The following SLC44A5 variants were observed in gnomAD, a reference collection of about 807,000 sequenced individuals.
The protein encoded by SLC44A5 is solute carrier family 44 member 5, also known as choline transporter-like protein 5.
SLC44A5 carries 57 observed loss-of-function variants against 101.8 expected under a neutral mutation model. The ratio of observed to expected loss-of-function variants is 0.56; its 90% CI spans 0.45 to 0.70. The LOEUF is 0.70. SLC44A5 is among the 30% of genes least tolerant of loss of function. The probability of loss-of-function intolerance (pLI) is 0.00; values close to 1 mark genes in which losing one functional copy is unlikely to be tolerated. For synonymous variants in SLC44A5, 281 were observed against 290.9 expected, an observed-to-expected ratio of 0.97 and a Z score of 0.35; for missense variants, 737 against 853.1, an observed-to-expected ratio of 0.86 and a Z score of 1.70.
At chr1:75,597,331 C>T (rs962678985) in intron 1 of SLC44A5, among the ~76,000 whole-genome samples, 4 of 152,130 alleles carry the variant, frequency 2.6e-5, no homozygotes, top group African/African-American at 9.6e-5. Flanking sequence ...TATCCCATGC[C>T]CATGGACAGA....
At chr1:75,484,092 C>A (rs1375126509) in intron 2 of SLC44A5, among the ~76,000 whole-genome samples, 2 of 152,148 alleles carry the variant, frequency 1.3e-5, no homozygotes, top group African/African-American at 4.8e-5. Context: ...CAAGCCATAT[C>A]ATTCTGTCCC....
At chr1:75,718,575 A>T in the SLC44A5 span, among the ~76,000 whole-genome samples, 2 of 152,348 alleles carry the variant, frequency 1.3e-5, no homozygotes, top group Non-Finnish European at 2.9e-5. Context: ...AGCAGTGCCC[A>T]GAAGAGTACA....
In SLC44A5 at chr1:75,336,530, G is replaced by A. The variant is rs1486311670; in HGVS notation, c.101+3052C>T. Among the ~76,000 whole-genome samples, 12 of 152,264 alleles carry A rather than the reference G, an allele frequency of 7.9e-5. No individual in the cohort carries two copies. The East Asian group carries it at 2.3e-3, about 29-fold the overall frequency. On this transcript the variant is annotated intron_variant, in intron 4 of 23. Coordinates refer to ENST00000370859, the MANE Select transcript of SLC44A5 (RefSeq NM_001130058.2). ...AAAATTGCATCCTTTTTTCAGGATA[G>A]TTTACGTATTTAAAACAAAAGGAAA...
chr1:75,256,871 A>G (rs1244698268), intron 6 of SLC44A5, among the ~76,000 whole-genome samples: 1 of 152,172 alleles, frequency 6.6e-6, no homozygotes, highest in African/African-American at 2.4e-5. Flanking sequence ...TAACTACCAA[A>G]CATGGGTGAA....
At chr1:75,706,511 T>C in the SLC44A5 span, among the ~76,000 whole-genome samples, 1 of 152,220 alleles carries the variant, frequency 6.6e-6, no homozygotes, top group Non-Finnish European at 1.5e-5. Flanking sequence ...TACTGATTTC[T>C]GAGAGTATTA....
At chr1:75,342,826 G>A (rs1171025218) in intron 3 of SLC44A5, among the ~76,000 whole-genome samples, 1 of 152,136 alleles carries the variant, frequency 6.6e-6, no homozygotes, top group Admixed American at 6.6e-5. Flanking sequence ...GACATTTTCT[G>A]ATTGTAAATA....
chr1:75,407,159 G>T (rs1370318730), intron 2 of SLC44A5, among the ~76,000 whole-genome samples: 3 of 152,114 alleles, frequency 2.0e-5, no homozygotes, highest in Non-Finnish European at 4.4e-5. Flanking sequence ...CAAAGGATGT[G>T]AAGGACCTCT....
At chr1:75,511,101 C>A (rs1250429735) in intron 2 of SLC44A5, among the ~76,000 whole-genome samples, 1 of 152,038 alleles carries the variant, frequency 6.6e-6, no homozygotes, top group Non-Finnish European at 1.5e-5. Flanking sequence ...TGAGATCGCG[C>A]AACTGCACTC....
In SLC44A5 at chr1:75,537,034, A is replaced by AAAAAAAAAAAAAAAAG. The variant is rs1553199990; in HGVS notation, c.13+4400_13+4401insCTTTTTTTTTTTTTTT. Reference sequence around the variant, plus strand: ...AAAAAAAAAAAAAAAAAAAAAAAAAATATATATCTATGCCAAATGATTCTG... The same window carrying AAAAAAAAAAAAAAAAG: ...AAAAAAAAAAAAAAAAAAAAAAAAAAAAAAAAAAAAAAAAAGTATATATCTATGCCAAATGATTCTG... On this transcript the variant is annotated intron_variant, in intron 2 of 23. Coordinates refer to ENST00000370859, the MANE Select transcript of SLC44A5 (RefSeq NM_001130058.2). Among the ~76,000 whole-genome samples the AAAAAAAAAAAAAAAAG allele has an allele frequency of 2.0e-3, 37 of 18,644 alleles. 3 individuals are homozygous for AAAAAAAAAAAAAAAAG. The highest frequency in any genetic ancestry group is 5.4e-3 in the Admixed American group (6 of 1,102). The allele number at this position is 18,644 out of a possible 152,430, so 12.2% of individuals were successfully genotyped here.
At position 75,222,454 on chromosome 1, in the gene SLC44A5, A is replaced by T. The variant is rs1481327767; in HGVS notation, c.992T>A (p.Ile331Lys). 6.2e-7 allele frequency: 1 copy of T among 1,605,958 alleles called. No homozygotes were observed. Among genetic ancestry groups the T allele is most frequent in the African/African-American group, 1.3e-5 (1 of 74,748 alleles). Residue 331 changes from isoleucine (I) to lysine (K), a missense_variant, in exon 14 of 24, where the codon ATA (isoleucine) becomes AAA (lysine). Transcript: ENST00000370859. ...GACAATCACTTCAATGATGCAGAGT[A>T]TTATCACTTTGAACAGGAAAAAAAA... ...LQQTWFTFMI[I>K]LCIIEVIVIL...
chr1:75,295,729 T>C (rs1241980239), intron 5 of SLC44A5, among the ~76,000 whole-genome samples: 5 of 152,136 alleles, frequency 3.3e-5, no homozygotes, highest in African/African-American at 1.2e-4. Flanking sequence ...AAGATTAAGA[T>C]GAGCAATGGA....
chr1:75,225,798 A>G (rs1226305416), intron 13 of SLC44A5, among the ~76,000 whole-genome samples: 2 of 152,194 alleles, frequency 1.3e-5, no homozygotes, highest in African/African-American at 4.8e-5. Flanking sequence ...GTATTCCTAG[A>G]CTTGAAAATT....
intron 2 of SLC44A5, among the ~76,000 whole-genome samples, chr1:75,533,793 G>T (rs1670852228): frequency 6.6e-6 from 1 of 152,014 alleles, no homozygotes; most frequent in African/African-American, 2.4e-5. Flanking sequence ...TTTTCTTTTA[G>T]AGAGCTTCTC....
At chr1:75,553,914 A>G (rs1220908031) in intron 1 of SLC44A5, among the ~76,000 whole-genome samples, 1 of 150,208 alleles carries the variant, frequency 6.7e-6, no homozygotes, top group African/African-American at 2.4e-5. Flanking sequence ...GAGGAGGAGG[A>G]GCTAGGGGTA....
At chr1:75,365,833 G>T (rs1023481196) in intron 3 of SLC44A5, among the ~76,000 whole-genome samples, 7 of 151,854 alleles carry the variant, frequency 4.6e-5, no homozygotes, top group African/African-American at 1.7e-4. Flanking sequence ...TTACCAGGGG[G>T]GTTAAATGTA....
intron 2 of SLC44A5, among the ~76,000 whole-genome samples, chr1:75,508,141 T>TA (rs543606258): frequency 5.3e-5 from 8 of 152,048 alleles, no homozygotes; most frequent in East Asian, 1.9e-4. Flanking sequence ...TCAATAAATT[T>TA]AAAAAAAATC....
At chr1:75,680,252 C>T in the SLC44A5 span, among the ~76,000 whole-genome samples, 1 of 151,518 alleles carries the variant, frequency 6.6e-6, no homozygotes, top group Non-Finnish European at 1.5e-5. Flanking sequence ...CAGCTCTGCA[C>T]CAAGCGGACC....
chr1:75,677,677 G>A, the SLC44A5 span: 5 of 410,806 alleles, frequency 1.2e-5, no homozygotes, highest in East Asian at 9.0e-5. Context: ...ATAAAAAAAC[G>A]TAGAGTAACT....
chr1:75,472,719 ATTTTTATGAT>A (rs764402252), intron 2 of SLC44A5, among the ~76,000 whole-genome samples: 2 of 152,180 alleles, frequency 1.3e-5, no homozygotes, highest in Non-Finnish European at 2.9e-5. Context: ...TCTCAATAGA[ATTTTTATGAT>A]TAAAGCACAA....
Sources: gnomAD v4.1 joint callset for allele counts (sites outside exome capture counted in the v4.1 genomes callset) on GRCh38, gnomAD v4.1.1 for gene constraint, MANE v1.5 for transcripts, NCBI Gene and HGNC (gene_info 2026-07-23, HGNC 2026-07-21) for gene names.